Variants in TJP1 observed in about 807,000 individuals in gnomAD.
TJP1 encodes tight junction protein 1, also known as tight junction protein ZO-1.
Under a neutral mutation model 194.2 loss-of-function variants are expected in TJP1, and 43 were observed. The observed-to-expected ratio is 0.22, with a 90% CI of 0.17 to 0.29. The LOEUF is 0.29. Ranked by LOEUF, TJP1 falls within the 10% of genes least tolerant of loss-of-function variation. The pLI, the probability that TJP1 is intolerant of heterozygous loss-of-function variation, is 1.00. For missense variants in TJP1, 1,971 were observed against 2,185.7 expected (o/e 0.90, Z 1.96); for synonymous variants, 801 against 779.0 (o/e 1.03, Z -0.47).
chr15:29,707,089 C>T (rs531875930), intron 25 of TJP1, among the ~76,000 whole-genome samples: 288 of 152,258 alleles, frequency 1.9e-3, no homozygotes, highest in African/African-American at 6.5e-3. Context: ...GGACCAAGCG[C>T]CCGCTCTGGC....
intron 8 of TJP1, among the ~76,000 whole-genome samples, chr15:29,746,329 G>C (rs1357534329): frequency 6.6e-6 from 1 of 151,592 alleles, no homozygotes. Flanking sequence ...AGTGAGCCCA[G>C]ATGGAGCCAC....
intron 1 of TJP1, among the ~76,000 whole-genome samples, chr15:29,803,658 T>C (rs1319455844): frequency 6.6e-6 from 1 of 152,248 alleles, no homozygotes; most frequent in African/African-American, 2.4e-5. Context: ...TTGTTAATTA[T>C]AAAAAATGTT....
chr15:29,788,556 A>G (rs2047857681), intron 2 of TJP1, among the ~76,000 whole-genome samples: 1 of 152,142 alleles, frequency 6.6e-6, no homozygotes, highest in South Asian at 2.1e-4. Context: ...TCTGTTAATG[A>G]CTGTTCTTCC....
At chr15:29,801,844 G>C (rs1415313358) in intron 1 of TJP1, among the ~76,000 whole-genome samples, 1 of 151,428 alleles carries the variant, frequency 6.6e-6, no homozygotes, top group Non-Finnish European at 1.5e-5. Flanking sequence ...ATTGTCTTGG[G>C]CCACACATAA....
At chr15:29,700,000 A>C (rs1290689062), downstream of TJP1, 1 of 301,678 alleles carries the variant, frequency 3.3e-6, no homozygotes, top group Non-Finnish European at 6.0e-6. Flanking sequence ...CCATCTGTAC[A>C]TGCTGGCCAA....
At chr15:29,966,059 C>A (rs1408224613) in intron 1 of TJP1, among the ~76,000 whole-genome samples, 1 of 152,168 alleles carries the variant, frequency 6.6e-6, no homozygotes, top group East Asian at 1.9e-4. Flanking sequence ...TTCCTTGTGT[C>A]CTCTCTTCAG....
intron 4 of TJP1, among the ~76,000 whole-genome samples, chr15:29,767,168 T>C (rs1189861724): frequency 6.6e-6 from 1 of 152,242 alleles, no homozygotes; most frequent in Non-Finnish European, 1.5e-5. Context: ...CTTTTCTCAA[T>C]GATTCTGGTA....
chr15:29,885,137 C>T (rs758595302), intron 2 of TJP1, among the ~76,000 whole-genome samples: 39 of 152,176 alleles, frequency 2.6e-4, no homozygotes, highest in Non-Finnish European at 5.1e-4. Context: ...TCCTCCTTTT[C>T]GGGTTCTGTT....
intron 16 of TJP1, among the ~76,000 whole-genome samples, chr15:29,727,589 G>A (rs1381242653): frequency 2.0e-5 from 3 of 152,060 alleles, no homozygotes; most frequent in Non-Finnish European, 2.9e-5. Context: ...TATTATCCAC[G>A]TACAGTTAGA....
Position 29,737,317 on chromosome 15 carries a change from CT to C in TJP1, c.1353del (p.Glu452LysfsTer10). On this transcript the variant is annotated frameshift_variant, in exon 11 of 28. Coordinates refer to ENST00000614355, the MANE Select transcript of TJP1 (RefSeq NM_001330239.4). LOFTEE classifies it high-confidence loss of function. ...NDVGIFVAGV[L>X]EDSPAAKEGL... ...CCTTCCTTGGCTGCAGGGCTATCTTCTAGAACGCCAGCTACAAATATTCCAA... is the reference window on the plus strand; with the variant it reads ...CCTTCCTTGGCTGCAGGGCTATCTTCAGAACGCCAGCTACAAATATTCCAA... The C allele has an allele frequency of 6.2e-7, 1 of 1,614,200 alleles. No individual in the cohort carries two copies.
At chr15:29,849,745 C>CA (rs564053758) in intron 2 of TJP1, among the ~76,000 whole-genome samples, 23,745 of 106,440 alleles carry the variant, frequency 0.22, 2,249 homozygotes, top group South Asian at 0.28. Context: ...GACTCCGTCT[C>CA]AAAAAAAAAA....
chr15:29,780,022 G>C (rs2047260959), intron 2 of TJP1, among the ~76,000 whole-genome samples: 1 of 150,444 alleles, frequency 6.6e-6, no homozygotes, highest in East Asian at 1.9e-4. Flanking sequence ...ACAAATTACA[G>C]GCAAAAATGA....
chr15:29,815,468 T>C (rs1233801097), intron 1 of TJP1, among the ~76,000 whole-genome samples: 2 of 152,220 alleles, frequency 1.3e-5, no homozygotes, highest in East Asian at 1.9e-4. Context: ...ATTTAACATA[T>C]CAAAACTTTG....
intron 1 of TJP1, among the ~76,000 whole-genome samples, chr15:29,963,658 T>C (rs1279035881): frequency 1.3e-5 from 2 of 152,130 alleles, no homozygotes; most frequent in East Asian, 1.9e-4. Flanking sequence ...TCACTGTAAA[T>C]ACTTTTTTCT....
chr15:29,917,918 C>G (rs933902142), intron 2 of TJP1, among the ~76,000 whole-genome samples: 1 of 152,174 alleles, frequency 6.6e-6, no homozygotes, highest in Non-Finnish European at 1.5e-5. Flanking sequence ...GCAACCGTCA[C>G]CCCCATCCAT....
exon 1 of TJP1, chr15:29,968,769 C>T: frequency 8.2e-7 from 1 of 1,223,598 alleles, no homozygotes; most frequent in Admixed American, 2.6e-5. Flanking sequence ...CATCTTGTCC[C>T]CGCTCCGCTC....
chr15:29,968,857 T>TCCG (rs1280379853), exon 1 of TJP1: 42 of 612,144 alleles, frequency 6.9e-5, no homozygotes, highest in Non-Finnish European at 8.7e-5. Flanking sequence ...CTCTGGGCCA[T>TCCG]CCGCCGCCAC....
intron 2 of TJP1, among the ~76,000 whole-genome samples, chr15:29,846,673 C>A (rs767420816): frequency 1.2e-4 from 18 of 152,242 alleles, no homozygotes; most frequent in Middle Eastern, 3.4e-3. Flanking sequence ...CGTCTGTAAT[C>A]CCAGCACTTT....
chr15:29,817,662 G>T (rs1732365888), intron 1 of TJP1, among the ~76,000 whole-genome samples: 1 of 152,158 alleles, frequency 6.6e-6, no homozygotes, highest in Non-Finnish European at 1.5e-5. Flanking sequence ...CCATAAAAAA[G>T]AATGAGTTCA....
Sources: gnomAD v4.1 joint callset for allele counts (sites outside exome capture counted in the v4.1 genomes callset) on GRCh38, gnomAD v4.1.1 for gene constraint, MANE v1.5 for transcripts, NCBI Gene and HGNC (gene_info 2026-07-23, HGNC 2026-07-21) for gene names.